Variants in APPL1 observed in about 807,000 individuals in gnomAD.
The protein encoded by APPL1 is adaptor protein, phosphotyrosine interacting with PH domain and leucine zipper 1.
A neutral mutation model predicts 106.8 loss-of-function variants in APPL1; 42 were observed. The ratio of observed to expected loss-of-function variants is 0.39; its 90% CI spans 0.31 to 0.51. APPL1 has a LOEUF of 0.51. Among genes scored for constraint, APPL1 ranks in the 20% least tolerant of loss-of-function variants. APPL1 has a pLI of 0.75. For missense variants in APPL1, 769 were observed against 858.2 expected (o/e 0.90, Z 1.30); for synonymous variants, 263 against 281.8 (o/e 0.93, Z 0.67).
chr3:57,236,555 T>A (rs1368178702), intron 2 of APPL1, among the ~76,000 whole-genome samples: 1 of 148,228 alleles, frequency 6.7e-6, no homozygotes, highest in South Asian at 2.2e-4. Flanking sequence ...CTCGAACTCC[T>A]GACCTCAGGT....
intron 20 of APPL1, chr3:57,268,051 C>G: frequency 1.9e-6 from 1 of 536,812 alleles, no homozygotes; most frequent in Non-Finnish European, 3.3e-6. Context: ...CGAGATCACA[C>G]CACTGCACTC....
intron 4 of APPL1, 62 bp from the exon 5 acceptor site, chr3:57,240,403 A>G: frequency 4.7e-6 from 6 of 1,289,578 alleles, no homozygotes; most frequent in African/African-American, 1.5e-5. Flanking sequence ...TGTTTAATTT[A>G]CATAACACTG....
chr3:57,242,755 T>G, intron 6 of APPL1, 101 bp from the exon 7 acceptor site: 2 of 845,232 alleles, frequency 2.4e-6, no homozygotes, highest in Non-Finnish European at 3.8e-6. Context: ...AATTCTTGCT[T>G]TAGTACGTTT....
chr3:57,230,528 C>T (rs1257984541), intron 1 of APPL1, among the ~76,000 whole-genome samples: 1 of 152,018 alleles, frequency 6.6e-6, no homozygotes, highest in Non-Finnish European at 1.5e-5. Context: ...AACATTATCA[C>T]TTAAGTATCT....
intron 1 of APPL1, among the ~76,000 whole-genome samples, chr3:57,229,583 T>C (rs947013081): frequency 6.6e-6 from 1 of 151,998 alleles, no homozygotes; most frequent in Non-Finnish European, 1.5e-5. Context: ...TGGAGAGCAA[T>C]GGCTGTTCAC....
At chr3:57,242,231 A>G (rs202077414) in intron 6 of APPL1, 89 bp downstream of exon 6, 5 of 355,536 alleles carry the variant, frequency 1.4e-5, no homozygotes, top group African/African-American at 4.7e-5. Flanking sequence ...GTAATAATTG[A>G]AAAAAAACCA....
intron 4 of APPL1, among the ~76,000 whole-genome samples, chr3:57,240,200 CATT>C (rs926204509): frequency 6.7e-6 from 1 of 149,928 alleles, no homozygotes; most frequent in Non-Finnish European, 1.5e-5. Flanking sequence ...TGATGATGTC[CATT>C]ATATATTTTC....
chr3:57,264,046 G>A (rs2060882299), intron 19 of APPL1, among the ~76,000 whole-genome samples: 1 of 152,050 alleles, frequency 6.6e-6, no homozygotes. Context: ...ATGCTTCCCA[G>A]CATTTGTTAT....
At chr3:57,245,660 G>C (rs1327332816) in intron 7 of APPL1, among the ~76,000 whole-genome samples, 1 of 151,136 alleles carries the variant, frequency 6.6e-6, no homozygotes, top group Non-Finnish European at 1.5e-5. Context: ...CTCATGCCTC[G>C]GCCTCCCCAG....
intron 6 of APPL1, 101 bp downstream of exon 6, chr3:57,242,243 T>C: frequency 1.1e-6 from 1 of 888,498 alleles, no homozygotes; most frequent in Non-Finnish European, 1.7e-6. Context: ...AAAAAACCAA[T>C]TAAAAATAAG....
chr3:57,260,088 G>C, intron 17 of APPL1, 29 bp from the exon 18 acceptor site: 1 of 1,605,072 alleles, frequency 6.2e-7, no homozygotes, highest in Non-Finnish European at 8.5e-7. Flanking sequence ...ATTAAAATTT[G>C]TTTTCCAATT....
intron 8 of APPL1, among the ~76,000 whole-genome samples, chr3:57,246,611 T>C (rs983450713): frequency 3.9e-5 from 6 of 152,148 alleles, no homozygotes; most frequent in African/African-American, 1.2e-4. Flanking sequence ...TTAAAAATAA[T>C]AGATGAACTC....
chr3:57,260,880 T>G, intron 19 of APPL1, 106 bp downstream of exon 19: 1 of 1,205,248 alleles, frequency 8.3e-7, no homozygotes, highest in Non-Finnish European at 1.1e-6. Context: ...TAGTAATTAC[T>G]GATTGAATTC....
At chr3:57,244,215 G>GCTCCGCAGTGC (rs2060760925) in intron 7 of APPL1, among the ~76,000 whole-genome samples, 1 of 151,678 alleles carries the variant, frequency 6.6e-6, no homozygotes, top group Non-Finnish European at 1.5e-5. Flanking sequence ...GAGTGCAGTG[G>GCTCCGCAGTGC]CTCCGTCTCG....
chr3:57,228,132 C>T lies in APPL1; in HGVS notation c.54+195C>T, dbSNP rs192033883. Among the ~76,000 whole-genome samples the T allele has an allele frequency of 1.8e-4, 28 of 151,998 alleles. No homozygotes were observed. In the East Asian group the frequency reaches 5.1e-3, roughly 27 times the overall value. On this transcript the variant is annotated intron_variant, in intron 1 of 21. Coordinates refer to ENST00000288266, the MANE Select transcript of APPL1 (RefSeq NM_012096.3). This position sits in a 1 kb window ranked among gnomAD's most constrained non-coding sequence, Gnocchi z 4.6. ...CGCCCAAGGCCCGCGTGGGCCTGCT[C>T]GGCTGGGCCGAGGGCCGCAGGCGGA...
chr3:57,244,340 G>C, intron 7 of APPL1, among the ~76,000 whole-genome samples: 1 of 152,090 alleles, frequency 6.6e-6, no homozygotes, highest in South Asian at 2.1e-4. Context: ...ATTTTTAGTA[G>C]AGGTGGGGTT....
chr3:57,230,617 C>G (rs1334254427), intron 1 of APPL1: 14 of 281,990 alleles, frequency 5.0e-5, no homozygotes, highest in Non-Finnish European at 6.6e-5. Flanking sequence ...CTTTGCTGGA[C>G]TTTTAGAGTT....
chr3:57,227,831 G>C lies in APPL1; in HGVS notation c.-53G>C. 1.4e-6 allele frequency: 2 copies of C among 1,412,918 alleles called. No homozygotes were observed. Among genetic ancestry groups the C allele is most frequent in the Non-Finnish European group, 1.9e-6 (2 of 1,072,896 alleles). The allele number at this position is 1,412,918 out of a possible 1,614,324, so 87.5% of individuals were successfully genotyped here. A position where few individuals can be genotyped will look rare whatever the true frequency, so the allele number is the denominator to read the frequency against. On this transcript the variant is annotated 5_prime_UTR_variant, in exon 1 of 22. Coordinates refer to ENST00000288266, the MANE Select transcript of APPL1 (RefSeq NM_012096.3). Reference sequence around the variant, plus strand: ...TCAGCTGCGGCGGGCGGGCCGGCGCGGGGAGCTGTGGGCGGCAGCTGCGTC... The same window carrying C: ...TCAGCTGCGGCGGGCGGGCCGGCGCCGGGAGCTGTGGGCGGCAGCTGCGTC...
Position 57,238,910 on chromosome 3 carries a change from C to T in APPL1, c.285+794C>T, listed in dbSNP as rs541739824. On this transcript the variant is annotated intron_variant, in intron 4 of 21. Coordinates refer to ENST00000288266, the MANE Select transcript of APPL1 (RefSeq NM_012096.3). ...ATCATCTCAAAGGAAGCCTTGTGCC[C>T]GTTAAGCAGTGTATTAGTCTGTTTT... is the stretch of plus-strand genomic sequence containing the variant. Among the ~76,000 whole-genome samples the T allele has an allele frequency of 1.6e-4, 25 of 152,194 alleles. No individual in the cohort carries two copies. In the South Asian group the frequency reaches 4.8e-3, roughly 29 times the overall value.
Sources: gnomAD v4.1 joint callset for allele counts (sites outside exome capture counted in the v4.1 genomes callset) on GRCh38, gnomAD v4.1.1 for gene constraint, Gnocchi (gnomAD v3.1) non-coding constraint, MANE v1.5 for transcripts, NCBI Gene and HGNC (gene_info 2026-07-23, HGNC 2026-07-21) for gene names.